The following PASK variants were observed in gnomAD, a reference collection of about 807,000 sequenced individuals.
PASK encodes the protein PAS domain-containing serine/threonine-protein kinase.
PASK carries 110 observed loss-of-function variants against 121.0 expected under a neutral mutation model. The observed-to-expected ratio is 0.91, with a 90% CI of 0.78 to 1.06. The LOEUF (loss-of-function observed/expected upper bound fraction) is 1.06. Among genes scored for constraint, PASK ranks in the 50% least tolerant of loss-of-function variants. The pLI, the probability that PASK is intolerant of heterozygous loss-of-function variation, is 0.00. For missense variants in PASK, 1,643 were observed against 1,702.3 expected, an observed-to-expected ratio of 0.97 and a Z score of 0.61; for synonymous variants, 686 against 717.8, an observed-to-expected ratio of 0.96 and a Z score of 0.71.
chr2:241,149,784 G>A (rs1417252767), upstream of PASK: 2 of 1,535,596 alleles, frequency 1.3e-6, no homozygotes, highest in Non-Finnish European at 1.7e-6. Flanking sequence ...TTCATGGGCC[G>A]GGTGGCTCCG....
rs1203292170 is a variant in PASK at position 241,112,544 on chromosome 2, C to G, written c.3334-105G>C. The G allele has an allele frequency of 2.4e-5, 17 of 720,026 alleles. No individual in the cohort carries two copies. The highest frequency in any genetic ancestry group is 1.8e-4 in the South Asian group (10 of 55,608). The allele number at this position is 720,026 out of a possible 1,614,324, so 44.6% of individuals were successfully genotyped here. A position where few individuals can be genotyped will look rare whatever the true frequency, so the allele number is the denominator to read the frequency against. On this transcript the variant is annotated intron_variant, in intron 14 of 17. Transcript: ENST00000234040. The surrounding 1 kb of genome is among the most constrained non-coding windows in gnomAD (Gnocchi z 5.2). ...AAAAACACAAAGAAAAAATAAACCT[C>G]CGACTCATAATGAACTGGGGACAGG...
At chr2:241,110,338 G>A (rs2065055832) in intron 15 of PASK, among the ~76,000 whole-genome samples, 1 of 152,220 alleles carries the variant, frequency 6.6e-6, no homozygotes, top group Non-Finnish European at 1.5e-5. Context: ...TGCCGACCCT[G>A]GAGTAGACGG....
At chr2:241,134,625 T>C (rs1345358389) in intron 8 of PASK, 1 of 152,182 alleles carries the variant, frequency 6.6e-6, no homozygotes, top group Non-Finnish European at 1.5e-5. Context: ...TAAATCCACT[T>C]TCGCACTCAT....
At chr2:241,126,105 C>T (rs1461565939) in intron 10 of PASK, 91 bp downstream of exon 10, 11 of 1,117,102 alleles carry the variant, frequency 9.8e-6, no homozygotes, top group East Asian at 2.4e-5. Flanking sequence ...GGGTGAAACC[C>T]CATCAGACCC....
intron 8 of PASK, chr2:241,134,208 C>G (rs764546143): frequency 3.9e-5 from 6 of 152,200 alleles, no homozygotes; most frequent in African/African-American, 7.2e-5. Flanking sequence ...CCCCTCCCCC[C>G]ACCACCAAAT....
chr2:241,108,332 G>C lies in PASK; in HGVS notation c.3534-32C>G. The C allele has an allele frequency of 6.2e-7, 1 of 1,612,666 alleles. No individual in the cohort carries two copies. The highest frequency in any genetic ancestry group is 1.1e-5 in the South Asian group (1 of 91,070). On this transcript the variant is annotated intron_variant, in intron 15 of 17. Coordinates refer to ENST00000234040, the MANE Select transcript of PASK (RefSeq NM_015148.4). This position sits in a 1 kb window ranked among gnomAD's most constrained non-coding sequence, Gnocchi z 5.2. ...GGAGGAGGAGGCATCAGGACGCCAC[G>C]GCACTCAGCGCAGGCTTGCCAAGCC...
intron 2 of PASK, among the ~76,000 whole-genome samples, chr2:241,141,374 C>T (rs979649247): frequency 1.3e-5 from 2 of 152,200 alleles, no homozygotes; most frequent in East Asian, 3.9e-4. Flanking sequence ...ATGGCCACTC[C>T]GGTGGCTGCC....
chr2:241,139,846 C>T (rs11676695), intron 4 of PASK, 39 bp downstream of exon 4: 4 of 1,606,272 alleles, frequency 2.5e-6, no homozygotes, highest in Non-Finnish European at 3.4e-6. Flanking sequence ...CACTGCTGGT[C>T]TTGAGGCCAG....
chr2:241,115,930 CAT>C (rs1292660233), intron 12 of PASK, among the ~76,000 whole-genome samples: 2 of 89,594 alleles, frequency 2.2e-5, no homozygotes, highest in African/African-American at 9.1e-5. Context: ...CAGGGGCCAC[CAT>C]CAGTCCTCAA....
chr2:241,149,630 G>A (rs550646731), upstream of PASK: 24 of 1,538,350 alleles, frequency 1.6e-5, no homozygotes, highest in East Asian at 4.9e-4. Flanking sequence ...CGGCGCTTCG[G>A]AGGAGCCAAA....
chr2:241,138,123 C>T, intron 5 of PASK, 36 bp from the exon 6 acceptor site: 2 of 1,610,812 alleles, frequency 1.2e-6, no homozygotes, highest in African/African-American at 2.7e-5. Flanking sequence ...ATAAAAGCTT[C>T]TTGTGCTCCA....
chr2:241,127,540 C>T (rs926944267), intron 9 of PASK, 89 bp from the exon 10 acceptor site: 7 of 1,113,876 alleles, frequency 6.3e-6, no homozygotes, highest in Non-Finnish European at 9.6e-6. Flanking sequence ...GAACTAAGTA[C>T]AAAGCATTTA....
intron 1 of PASK, among the ~76,000 whole-genome samples, chr2:241,144,909 CTGTT>C (rs1034974989): frequency 1.8e-4 from 27 of 152,308 alleles, no homozygotes; most frequent in South Asian, 4.2e-4. Flanking sequence ...GAGCTTCTCC[CTGTT>C]TGTTTGTTTC....
chr2:241,126,567 C>T lies in PASK; in HGVS notation c.2348G>A (p.Ser783Asn). ...LAVGSDPDVG[S>N]LQEQGSCVLD... ...GACACACGACCCCTGTTCCTGGAGACTGCCTACATCTGGATCGGAGCCCAC... is the reference window on the plus strand; with the variant it reads ...GACACACGACCCCTGTTCCTGGAGATTGCCTACATCTGGATCGGAGCCCAC... Residue 783 changes from serine to asparagine, a missense_variant, in exon 10 of 18, where the codon AGT becomes AAT. Physicochemically the swap from Ser to Asn is conservative, Grantham distance 46 (BLOSUM62 1). Coordinates refer to ENST00000234040, the MANE Select transcript of PASK (RefSeq NM_015148.4). 6.2e-7 allele frequency: 1 copy of T among 1,614,072 alleles called. No homozygotes were observed. Among genetic ancestry groups the T allele is most frequent in the East Asian group, 2.2e-5 (1 of 44,890 alleles).
intron 15 of PASK, among the ~76,000 whole-genome samples, chr2:241,110,287 C>T (rs1025636268): frequency 7.2e-5 from 11 of 152,324 alleles, no homozygotes; most frequent in African/African-American, 2.4e-4. Flanking sequence ...TGGCAGCTGC[C>T]AGGGCCTGAG....
At chr2:241,133,597 G>A (rs922270000) in intron 8 of PASK, 17 of 195,670 alleles carry the variant, frequency 8.7e-5, no homozygotes, top group South Asian at 6.1e-4. Context: ...CCCCGTGAGC[G>A]CAGGGGCATC....
intron 14 of PASK, chr2:241,114,533 T>C: frequency 9.9e-7 from 1 of 1,007,032 alleles, no homozygotes; most frequent in East Asian, 9.9e-5. Context: ...CACTCTCCCA[T>C]TCCAATAAAA....
intron 9 of PASK, among the ~76,000 whole-genome samples, chr2:241,128,620 C>T (rs1028279777): frequency 6.6e-6 from 1 of 152,162 alleles, no homozygotes. Context: ...CACAGTGGCC[C>T]ACACCTGTAA....
rs536108589 is a variant in PASK, at chr2:241,142,359, C to G, written c.196+478G>C. Reference sequence around the variant, plus strand: ...GTGACGCTTCCTTCCTCACCATGGCCCAGTCCTTTGGGGTGCCTGGACAAA... The same window carrying G: ...GTGACGCTTCCTTCCTCACCATGGCGCAGTCCTTTGGGGTGCCTGGACAAA... On this transcript the variant is annotated intron_variant, in intron 2 of 17. Transcript: ENST00000234040. Among the ~76,000 whole-genome samples the G allele has an allele frequency of 3.9e-5, 6 of 152,148 alleles. No homozygotes were observed. In the South Asian group the frequency reaches 1.0e-3, roughly 26 times the overall value.
Sources: gnomAD v4.1 joint callset for allele counts (sites outside exome capture counted in the v4.1 genomes callset) on GRCh38, gnomAD v4.1.1 for gene constraint, Gnocchi (gnomAD v3.1) non-coding constraint, MANE v1.5 for transcripts, NCBI Gene and HGNC (gene_info 2026-07-23, HGNC 2026-07-21) for gene names.